Variants in TNR observed in about 807,000 individuals in gnomAD.
TNR encodes tenascin-R.
TNR carries 45 observed loss-of-function variants against 150.4 expected under a neutral mutation model. The observed-to-expected ratio is 0.30, with a 90% CI of 0.24 to 0.38. The LOEUF (loss-of-function observed/expected upper bound fraction) is 0.38, where lower values mean the gene tolerates loss of function less well. TNR is among the 10% of genes least tolerant of loss of function. The probability of loss-of-function intolerance (pLI) is 1.00; values close to 1 mark genes in which losing one functional copy is unlikely to be tolerated. For missense variants in TNR, 1,544 were observed against 1,759.1 expected, an observed-to-expected ratio of 0.88 and a Z score of 2.19; for synonymous variants, 687 against 678.4, an observed-to-expected ratio of 1.01 and a Z score of -0.20.
chr1:175,399,638 T>G (rs1280802164), intron 4 of TNR, among the ~76,000 whole-genome samples: 2 of 152,160 alleles, frequency 1.3e-5, no homozygotes, highest in African/African-American at 4.8e-5. Flanking sequence ...TATATTGAAC[T>G]GTACTGCAAA....
chr1:175,698,835 T>C (rs1187908353), intron 1 of TNR, among the ~76,000 whole-genome samples: 4 of 146,138 alleles, frequency 2.7e-5, no homozygotes, highest in African/African-American at 1.0e-4. Flanking sequence ...AAAAAAAAGG[T>C]GGTGCTGGCA....
At position 175,374,457 on chromosome 1, in the gene TNR, CATGTGTGTATGAGT is replaced by C. The variant is rs1652276597; in HGVS notation, c.1963+5081_1963+5094del. ...TGGTGTGTATGACTATGAGTGTGTG[CATGTGTGTATGAGT>C]ATGTGTGTATGTGCATGTGAGTGTG... On this transcript the variant is annotated intron_variant, in intron 9 of 22. Transcript: ENST00000367674. Among the ~76,000 whole-genome samples, 3 of 152,060 alleles carry C rather than the reference CATGTGTGTATGAGT, an allele frequency of 2.0e-5. No homozygotes were observed. The South Asian group carries it at 6.2e-4, about 32-fold the overall frequency.
intron 2 of TNR, among the ~76,000 whole-genome samples, chr1:175,480,629 T>C (rs1484725670): frequency 2.0e-5 from 3 of 152,232 alleles, no homozygotes; most frequent in African/African-American, 7.2e-5. Flanking sequence ...ATGACATTCA[T>C]GGCTCAGTTC....
At position 175,503,871 on chromosome 1, in the gene TNR, C is replaced by T. The variant is rs111672813; in HGVS notation, c.-64+24398G>A. 4.3e-4 allele frequency among the ~76,000 whole-genome samples: 65 copies of T among 152,236 alleles called. 1 individual carries two copies. The highest frequency in any genetic ancestry group is 1.5e-3 in the African/African-American group (62 of 41,532). The stretch of plus-strand genomic sequence containing the variant: ...GCCTTCCTTTTGAGGTAATCTGTTA[C>T]GTGCAGCCTGCAGGGAATCGAAGCC... On this transcript the variant is annotated intron_variant, in intron 2 of 22. Transcript: ENST00000367674.
chr1:175,428,765 G>GT (rs1350939834), intron 2 of TNR, among the ~76,000 whole-genome samples: 1 of 152,102 alleles, frequency 6.6e-6, no homozygotes, highest in East Asian at 1.9e-4. Context: ...TGTGCTGCAC[G>GT]ATTCTCATTT....
intron 1 of TNR, among the ~76,000 whole-genome samples, chr1:175,714,838 G>A (rs1667111931): frequency 6.6e-6 from 1 of 152,190 alleles, no homozygotes; most frequent in African/African-American, 2.4e-5. Flanking sequence ...CAGCCTGCGG[G>A]GAGCCTTGTG....
intron 1 of TNR, among the ~76,000 whole-genome samples, chr1:175,585,501 A>G (rs1010949589): frequency 1.3e-5 from 2 of 152,256 alleles, no homozygotes; most frequent in African/African-American, 4.8e-5. Flanking sequence ...AAGCTGAGGC[A>G]TACAGATTAA....
chr1:175,719,390 C>G (rs1221703056), intron 1 of TNR, among the ~76,000 whole-genome samples: 1 of 152,192 alleles, frequency 6.6e-6, no homozygotes. Flanking sequence ...GGCCACAGCC[C>G]TGAGGCAGCC....
intron 1 of TNR, among the ~76,000 whole-genome samples, chr1:175,659,149 G>A (rs1665284600): frequency 6.6e-6 from 1 of 152,184 alleles, no homozygotes; most frequent in Non-Finnish European, 1.5e-5. Context: ...TCCACTGGCA[G>A]AGCTAGTTAG....
Position 175,356,360 on chromosome 1 carries a change from C to A in TNR, c.3077G>T (p.Gly1026Val). Residue 1026 changes from glycine (G) to valine (V), a missense_variant, in exon 16 of 23, where the codon GGA becomes GTA. Transcript: ENST00000367674. The part of the protein sequence containing the change: ...HYTATMYATN[G>V]PLTSGTISTN... ...GCTGATGGTGCCACTGGTGAGAGGT[C>A]CATTGGTGGCATACATGGTGGCAGT... The A allele has an allele frequency of 6.2e-7, 1 of 1,613,936 alleles. No individual in the cohort carries two copies. Among genetic ancestry groups the A allele is most frequent in the South Asian group, 1.1e-5 (1 of 91,064 alleles).
In TNR at chr1:175,336,694, G is replaced by A. The variant is rs116248907; in HGVS notation, c.3534+834C>T. On this transcript the variant is annotated intron_variant, in intron 19 of 22. Coordinates refer to ENST00000367674, the MANE Select transcript of TNR (RefSeq NM_003285.3). ...TGTCTCTCTTTTCCTGACCACTGGT[G>A]CTCCCTGAAGGCTGTGTCAGCTCTG... 5.3e-3 allele frequency among the ~76,000 whole-genome samples: 800 copies of A among 152,320 alleles called. 6 individuals are homozygous for A. Among genetic ancestry groups the A allele is most frequent in the Middle Eastern group, 0.02 (6 of 294 alleles).
intron 1 of TNR, among the ~76,000 whole-genome samples, chr1:175,549,507 G>A (rs1660849262): frequency 6.6e-6 from 1 of 152,138 alleles, no homozygotes; most frequent in Non-Finnish European, 1.5e-5. Flanking sequence ...TGTAATCCTT[G>A]GAGCTATGAA....
At chr1:175,427,889 G>A (rs550909840) in intron 2 of TNR, among the ~76,000 whole-genome samples, 2 of 111,436 alleles carry the variant, frequency 1.8e-5, no homozygotes, top group Non-Finnish European at 3.7e-5. Context: ...TCCCTTCTTC[G>A]CTTCCTTCCT....
intron 3 of TNR, among the ~76,000 whole-genome samples, chr1:175,405,153 G>A (rs980215625): frequency 2.6e-5 from 4 of 152,212 alleles, no homozygotes; most frequent in Non-Finnish European, 5.9e-5. Flanking sequence ...TGAATTGCAT[G>A]GGGTCTAAGG....
Position 175,694,527 on chromosome 1 carries a change from C to T in TNR, c.-165+48699G>A, listed in dbSNP as rs796256506. On this transcript the variant is annotated intron_variant, in intron 1 of 22. Coordinates refer to ENST00000367674, the MANE Select transcript of TNR (RefSeq NM_003285.3). ...AAATTCTAAATGCAAATAGTGCCAC[C>T]CCTATGCTTAAATTACTCTAGTACT... is the stretch of plus-strand genomic sequence containing the variant. Among the ~76,000 whole-genome samples, 4 of 152,322 alleles carry T rather than the reference C, an allele frequency of 2.6e-5. 1 individual carries two copies. The highest frequency in any genetic ancestry group is 9.6e-5 in the African/African-American group (4 of 41,568).
At chr1:175,333,760 A>G (rs1324370808) in intron 20 of TNR, among the ~76,000 whole-genome samples, 6 of 151,956 alleles carry the variant, frequency 3.9e-5, no homozygotes, top group Non-Finnish European at 7.3e-5. Context: ...GCCACAAAAG[A>G]AGGAGTGGCC....
chr1:175,554,518 T>C (rs1661072520), intron 1 of TNR, among the ~76,000 whole-genome samples: 1 of 152,220 alleles, frequency 6.6e-6, no homozygotes, highest in Admixed American at 6.5e-5. Flanking sequence ...TTGGAAATCA[T>C]AATTATTTCT....
chr1:175,582,304 C>T (rs4570382), intron 1 of TNR, among the ~76,000 whole-genome samples: 19,717 of 152,192 alleles, frequency 0.13, 1,582 homozygotes, highest in African/African-American at 0.23. Context: ...CTAGGACTCA[C>T]TGTAGTTATT....
At chr1:175,445,659 A>G (rs1656014641) in intron 2 of TNR, among the ~76,000 whole-genome samples, 1 of 152,242 alleles carries the variant, frequency 6.6e-6, no homozygotes, top group Non-Finnish European at 1.5e-5. Flanking sequence ...TATTTAAAGA[A>G]GAAATAAGTA....
Sources: gnomAD v4.1 joint callset for allele counts (sites outside exome capture counted in the v4.1 genomes callset) on GRCh38, gnomAD v4.1.1 for gene constraint, MANE v1.5 for transcripts, NCBI Gene and HGNC (gene_info 2026-07-23, HGNC 2026-07-21) for gene names.